RTKN: variants seen among roughly 807,000 people sequenced by gnomAD.
The protein encoded by RTKN is rhotekin.
Under a neutral mutation model 63.5 loss-of-function variants are expected in RTKN, and 49 were observed. That is an observed-to-expected ratio of 0.77 (90% CI 0.61 to 0.98). The LOEUF (loss-of-function observed/expected upper bound fraction) is 0.98, where lower values mean the gene tolerates loss of function less well. Among genes scored for constraint, RTKN ranks in the 50% least tolerant of loss-of-function variants. RTKN has a pLI of 0.00. For missense variants in RTKN, 685 were observed against 740.8 expected, an observed-to-expected ratio of 0.92 and a Z score of 0.87; for synonymous variants, 295 against 290.4, an observed-to-expected ratio of 1.02 and a Z score of -0.16.
At chr2:74,441,626 G>C (rs528318893) in intron 1 of RTKN, 80 bp downstream of exon 1, 1 of 993,154 alleles carries the variant, frequency 1.0e-6, no homozygotes, top group Non-Finnish European at 1.5e-6. Context: ...GCGTGCACGC[G>C]GGCGAGGGAA....
intron 1 of RTKN, among the ~76,000 whole-genome samples, chr2:74,435,929 C>T (rs1671029706): frequency 6.6e-6 from 1 of 152,224 alleles, no homozygotes; most frequent in Admixed American, 6.5e-5. Context: ...TCACCTTCCC[C>T]CATCACCATC....
intron 11 of RTKN, chr2:74,426,893 C>G: frequency 7.4e-7 from 1 of 1,356,152 alleles, no homozygotes; most frequent in Non-Finnish European, 9.4e-7. Context: ...AGACAGGAAT[C>G]CACATGCAGA....
chr2:74,441,276 G>A (rs1671350211), intron 1 of RTKN, among the ~76,000 whole-genome samples: 1 of 152,218 alleles, frequency 6.6e-6, no homozygotes, highest in African/African-American at 2.4e-5. Flanking sequence ...GACAGAGGCT[G>A]GCCCAGATGG....
In RTKN at chr2:74,430,610, T is replaced by C; in HGVS notation, c.373+6A>G. 6.2e-7 allele frequency: 1 copy of C among 1,614,116 alleles called. No homozygotes were observed. The highest frequency in any genetic ancestry group is 1.3e-5 in the African/African-American group (1 of 75,030). On this transcript the variant is annotated splice_donor_region_variant and intron_variant, in intron 3 of 11. Transcript: ENST00000272430. ...TACCAGCAGCTGGGGTAGCTGTGCT[T>C]CTTACCAGAGATGCAGACCCGGCCG...
In RTKN at chr2:74,430,526, G is replaced by C; in HGVS notation, c.374-8C>G. ...TGAGTGGAATCCGGAGGTCTAAGGG[G>C]CAGAGGGGTAAGAATAGATGTTGAG... On this transcript the variant is annotated splice_polypyrimidine_tract_variant and splice_region_variant and intron_variant, in intron 3 of 11. Coordinates refer to ENST00000272430, the MANE Select transcript of RTKN (RefSeq NM_001015055.2). The C allele has an allele frequency of 1.2e-6, 2 of 1,614,106 alleles. No individual in the cohort carries two copies. Among genetic ancestry groups the C allele is most frequent in the African/African-American group, 2.7e-5 (2 of 75,026 alleles).
intron 1 of RTKN, chr2:74,440,250 G>A (rs1671288334): frequency 1.4e-5 from 9 of 642,452 alleles, no homozygotes; most frequent in Admixed American, 6.0e-5. Context: ...TGAGCCCAGG[G>A]AATGGGACAA....
chr2:74,440,612 C>T, intron 1 of RTKN: 1 of 970,728 alleles, frequency 1.0e-6, no homozygotes, highest in Non-Finnish European at 1.2e-6. Context: ...CAGGGGCGGC[C>T]CCAGCTCACA....
intron 1 of RTKN, among the ~76,000 whole-genome samples, chr2:74,434,550 G>A (rs1363684779): frequency 6.6e-6 from 1 of 152,088 alleles, no homozygotes; most frequent in African/African-American, 2.4e-5. Flanking sequence ...AAAGTGCTGG[G>A]ATTGCAGGTG....
intron 1 of RTKN, among the ~76,000 whole-genome samples, chr2:74,441,365 C>T (rs1377939073): frequency 6.6e-6 from 1 of 152,136 alleles, no homozygotes; most frequent in Non-Finnish European, 1.5e-5. Flanking sequence ...GCTTGGGGCC[C>T]GCCTAGCTGC....
intron 1 of RTKN, among the ~76,000 whole-genome samples, chr2:74,435,085 G>A (rs938623457): frequency 3.3e-5 from 5 of 152,082 alleles, no homozygotes; most frequent in Non-Finnish European, 5.9e-5. Flanking sequence ...ACCACCTACC[G>A]GCCCTCTGAG....
chr2:74,426,852 CG>C, intron 11 of RTKN: 5 of 1,334,224 alleles, frequency 3.7e-6, no homozygotes, highest in Non-Finnish European at 4.8e-6. Context: ...AAAATGAAAG[CG>C]GTGCCAGGCA....
chr2:74,428,407 G>T lies in RTKN; in HGVS notation c.958-11C>A. ...CATCTCCCCAGCTTGCTGCACAAAT[G>T]ACTCAACATTTTCTGGGGAAGTCAC... On this transcript the variant is annotated splice_polypyrimidine_tract_variant and intron_variant, in intron 8 of 11. Transcript: ENST00000272430. The T allele has an allele frequency of 6.2e-7, 1 of 1,614,072 alleles. No homozygotes were observed. Among genetic ancestry groups the T allele is most frequent in the Non-Finnish European group, 8.5e-7 (1 of 1,180,004 alleles).
At position 74,426,590 on chromosome 2, in the gene RTKN, G is replaced by A; in HGVS notation, c.1361-16C>T. ...GGCTCAATAGCTGTGGCACCAGGAA[G>A]GGGTTGGGGGAGGGTTGGGCTAGTC... is the stretch of plus-strand genomic sequence containing the variant. On this transcript the variant is annotated splice_polypyrimidine_tract_variant and intron_variant, in intron 11 of 11. Transcript: ENST00000272430. 1 of 1,520,882 alleles carries A rather than the reference G, an allele frequency of 6.6e-7. No homozygotes were observed. Among genetic ancestry groups the A allele is most frequent in the Non-Finnish European group, 8.8e-7 (1 of 1,133,332 alleles). 94.2% of individuals were successfully genotyped at this position (1,520,882 alleles called of 1,614,324 possible). A position where few individuals can be genotyped will look rare whatever the true frequency, so the allele number is the denominator to read the frequency against.
Position 74,436,448 on chromosome 2 carries a change from C to T in RTKN, c.112-3782G>A, listed in dbSNP as rs150306979. ...GCACCTGGCTGGGCTTGGCTCAAGG[C>T]GGTGCCTCCACCGAGACTCCATCGC... On this transcript the variant is annotated intron_variant, in intron 1 of 11. Transcript: ENST00000272430. This position sits in a 1 kb window ranked among gnomAD's most constrained non-coding sequence, Gnocchi z 4.3. Among the ~76,000 whole-genome samples, 94 of 151,846 alleles carry T rather than the reference C, an allele frequency of 6.2e-4. 1 individual carries two copies. Among genetic ancestry groups the T allele is most frequent in the African/African-American group, 2.1e-3 (87 of 41,392 alleles).
rs751971000 is a variant in RTKN at position 74,441,734 on chromosome 2, C to T, written c.83G>A (p.Arg28Gln). 1.2e-6 allele frequency: 2 copies of T among 1,611,554 alleles called. No homozygotes were observed. Among genetic ancestry groups the T allele is most frequent in the South Asian group, 2.2e-5 (2 of 90,480 alleles). The stretch of plus-strand genomic sequence containing the variant: ...GGGCAGGTCGCTGAAGAGGCTGAGT[C>T]GGAAGCGGCCGCGTTTGAACTCCAT... The part of the protein sequence containing the change: ...LEMEFKRGRF[R>Q]LSLFSDLPED... The change falls in exon 1 of 12, where the codon CGA (arginine) becomes CAA (glutamine). Residue 28 changes from arginine to glutamine, a missense_variant. Arg to Gln is a conservative substitution (Grantham distance 43, BLOSUM62 1). Transcript: ENST00000272430.
Position 74,429,838 on chromosome 2 carries a change from G to T in RTKN, c.745C>A (p.Pro249Thr), listed in dbSNP as rs758162650. The T allele has an allele frequency of 6.2e-7, 1 of 1,613,730 alleles. No homozygotes were observed. Among genetic ancestry groups the T allele is most frequent in the Non-Finnish European group, 8.5e-7 (1 of 1,179,900 alleles). ...SGSSPILLPT[P>T]VVGGPRYHLL... The stretch of plus-strand genomic sequence containing the variant: ...TGTGCAAGGCCTTACCCAACAACTG[G>T]GGTGGGGAGCAAGATGGGACTGCTC... Residue 249 changes from proline (P) to threonine (T), a missense_variant, in exon 6 of 12, where the codon CCA (proline) becomes ACA (threonine). By Grantham distance (38) the Pro-to-Thr change is conservative. Coordinates refer to ENST00000272430, the MANE Select transcript of RTKN (RefSeq NM_001015055.2).
chr2:74,432,899 C>T (rs1670837454), intron 1 of RTKN, among the ~76,000 whole-genome samples: 1 of 152,070 alleles, frequency 6.6e-6, no homozygotes, highest in Admixed American at 6.5e-5. Flanking sequence ...ATCCCTTGAG[C>T]CTAGGAGATC....
At chr2:74,431,035 A>C in intron 2 of RTKN, 3 of 246,768 alleles carry the variant, frequency 1.2e-5, no homozygotes, top group Admixed American at 4.9e-5. Context: ...TCTCCATTAA[A>C]CCCCTGGCTT....
chr2:74,439,710 A>C, intron 1 of RTKN: 4 of 1,576,846 alleles, frequency 2.5e-6, no homozygotes, highest in Non-Finnish European at 3.5e-6. Context: ...TCCTCCTCCC[A>C]CTGTTCCCTC....
Sources: gnomAD v4.1 joint callset for allele counts (sites outside exome capture counted in the v4.1 genomes callset) on GRCh38, gnomAD v4.1.1 for gene constraint, Gnocchi (gnomAD v3.1) non-coding constraint, MANE v1.5 for transcripts, NCBI Gene and HGNC (gene_info 2026-07-23, HGNC 2026-07-21) for gene names.